The following PRKG1 variants were observed in gnomAD, a reference collection of about 807,000 sequenced individuals.
PRKG1 encodes cGMP-dependent protein kinase 1.
A neutral mutation model predicts 88.1 loss-of-function variants in PRKG1; 35 were observed. The ratio of observed to expected loss-of-function variants is 0.40; its 90% CI spans 0.30 to 0.53. The LOEUF (loss-of-function observed/expected upper bound fraction) is 0.53, where lower values mean the gene tolerates loss of function less well. Ranked by LOEUF, PRKG1 falls within the 20% of genes least tolerant of loss-of-function variation. PRKG1 has a pLI of 0.59. For synonymous variants in PRKG1, 303 were observed against 292.5 expected (o/e 1.04, Z -0.37); for missense variants, 540 against 839.8 (o/e 0.64, Z 4.41).
At chr10:51,896,142 T>A (rs1841839515) in intron 4 of PRKG1, among the ~76,000 whole-genome samples, 1 of 152,150 alleles carries the variant, frequency 6.6e-6, no homozygotes, top group Admixed American at 6.5e-5. Context: ...TATGATTTGA[T>A]TTTAAAAATG....
chr10:52,064,012 C>T (rs999092201), intron 7 of PRKG1, among the ~76,000 whole-genome samples: 1 of 152,308 alleles, frequency 6.6e-6, no homozygotes, highest in Non-Finnish European at 1.5e-5. Context: ...ACTGCAAGTT[C>T]CCACTCTTGT....
intron 13 of PRKG1, 28 bp from the exon 14 acceptor site, chr10:52,282,125 A>T (rs1842015535): frequency 6.4e-7 from 1 of 1,552,860 alleles, no homozygotes; most frequent in East Asian, 2.3e-5. Context: ...TAAGGAGCTT[A>T]AGTATCTTGT....
chr10:51,843,273 CATTT>C (rs1308919735), intron 4 of PRKG1, among the ~76,000 whole-genome samples: 1 of 151,752 alleles, frequency 6.6e-6, no homozygotes, highest in Non-Finnish European at 1.5e-5. Context: ...ATATTAGAAA[CATTT>C]ATTTGATGTG....
At chr10:51,499,387 A>G (rs774608584) in intron 3 of PRKG1, among the ~76,000 whole-genome samples, 9 of 152,220 alleles carry the variant, frequency 5.9e-5, no homozygotes, top group Non-Finnish European at 8.8e-5. Context: ...AAATAAGCGT[A>G]AGAAAGATGT....
intron 10 of PRKG1, among the ~76,000 whole-genome samples, chr10:52,256,992 T>C (rs1392827392): frequency 1.4e-5 from 2 of 139,208 alleles, no homozygotes; most frequent in African/African-American, 5.0e-5. Context: ...TGGGAAATCA[T>C]TTTCAGTGCA....
intron 9 of PRKG1, among the ~76,000 whole-genome samples, chr10:52,211,789 G>A (rs1282006715): frequency 1.3e-5 from 2 of 151,292 alleles, no homozygotes; most frequent in Admixed American, 1.3e-4. Context: ...TGGAAGATAT[G>A]AATGCACTTA....
intron 3 of PRKG1, among the ~76,000 whole-genome samples, chr10:51,649,458 T>C (rs904340033): frequency 6.6e-6 from 1 of 152,158 alleles, no homozygotes; most frequent in African/African-American, 2.4e-5. Flanking sequence ...AACCCTTTAG[T>C]TGCTAAAGAA....
chr10:52,154,572 G>A (rs1182766541), intron 8 of PRKG1, among the ~76,000 whole-genome samples: 1 of 152,130 alleles, frequency 6.6e-6, no homozygotes, highest in Non-Finnish European at 1.5e-5. Flanking sequence ...TATCAAAATT[G>A]TGTGTAGGAA....
chr10:51,884,021 T>A (rs1157702485), intron 4 of PRKG1, among the ~76,000 whole-genome samples: 25 of 80,232 alleles, frequency 3.1e-4, no homozygotes, highest in African/African-American at 1.5e-3. Context: ...AGTCTTTTAT[T>A]TTTCAAAAAA....
At chr10:51,979,409 TG>T (rs1341794003) in intron 5 of PRKG1, among the ~76,000 whole-genome samples, 2 of 120,614 alleles carry the variant, frequency 1.7e-5, no homozygotes, top group African/African-American at 6.1e-5. Flanking sequence ...GATATTGGTC[TG>T]TTTTTTTTTT....
At position 52,298,301 on chromosome 10, in the gene PRKG1, G is replaced by T. The variant is rs1474929439; in HGVS notation, c.*4401G>T. Reference sequence around the variant, plus strand: ...TTTCCTGCAGCTGTAATTGCTGAGTGCCTGTTGTATACTTTATAGAGTTGA... The same window carrying T: ...TTTCCTGCAGCTGTAATTGCTGAGTTCCTGTTGTATACTTTATAGAGTTGA... On this transcript the variant is annotated 3_prime_UTR_variant, in exon 18 of 18. Coordinates refer to ENST00000373980, the MANE Select transcript of PRKG1 (RefSeq NM_006258.4). 6.6e-6 allele frequency: 1 copy of T among 151,266 alleles called. No homozygotes were observed. Among genetic ancestry groups the T allele is most frequent in the East Asian group, 1.9e-4 (1 of 5,148 alleles). The allele number at this position is 151,266 out of a possible 1,614,324, so 9.4% of individuals were successfully genotyped here. A position where few individuals can be genotyped will look rare whatever the true frequency, so the allele number is the denominator to read the frequency against.
intron 3 of PRKG1, among the ~76,000 whole-genome samples, chr10:51,558,049 T>G (rs1837357437): frequency 6.6e-6 from 1 of 152,252 alleles, no homozygotes. Context: ...TATGTTTTGA[T>G]GTAGGCCTAT....
chr10:51,904,624 T>C (rs1347350738), intron 4 of PRKG1, among the ~76,000 whole-genome samples: 1 of 152,148 alleles, frequency 6.6e-6, no homozygotes, highest in Non-Finnish European at 1.5e-5. Context: ...TGAAGGCACT[T>C]ATTTTTCCTG....
intron 3 of PRKG1, among the ~76,000 whole-genome samples, chr10:51,756,218 C>T (rs551430934): frequency 6.6e-6 from 1 of 152,250 alleles, no homozygotes; most frequent in African/African-American, 2.4e-5. Context: ...AGCAGTGGCT[C>T]AGACCTGTAA....
chr10:51,518,867 C>G (rs1409662568), intron 3 of PRKG1, among the ~76,000 whole-genome samples: 1 of 152,130 alleles, frequency 6.6e-6, no homozygotes, highest in African/African-American at 2.4e-5. Context: ...ATAATCTACT[C>G]TTTGAAATTT....
At chr10:51,185,845 A>G (rs1837471314) in intron 2 of PRKG1, among the ~76,000 whole-genome samples, 1 of 151,522 alleles carries the variant, frequency 6.6e-6, no homozygotes, top group Non-Finnish European at 1.5e-5. Context: ...ATTACAAACT[A>G]CTCTGCAGTG....
chr10:51,104,211 T>C (rs903792562), intron 1 of PRKG1, among the ~76,000 whole-genome samples: 2 of 152,088 alleles, frequency 1.3e-5, no homozygotes, highest in African/African-American at 2.4e-5. Context: ...TAGTCAGATA[T>C]AGGAGACAGA....
intron 5 of PRKG1, among the ~76,000 whole-genome samples, chr10:51,986,457 A>G (rs1200076129): frequency 2.0e-5 from 3 of 152,348 alleles, no homozygotes; most frequent in East Asian, 1.9e-4. Flanking sequence ...AAAAAGCACT[A>G]TGATTTTTGA....
At chr10:51,521,960 C>G (rs528619190) in intron 3 of PRKG1, among the ~76,000 whole-genome samples, 1 of 152,126 alleles carries the variant, frequency 6.6e-6, no homozygotes, top group Non-Finnish European at 1.5e-5. Context: ...TAATATACTT[C>G]TAATACAGCA....
Sources: gnomAD v4.1 joint callset for allele counts (sites outside exome capture counted in the v4.1 genomes callset) on GRCh38, gnomAD v4.1.1 for gene constraint, MANE v1.5 for transcripts, NCBI Gene and HGNC (gene_info 2026-07-23, HGNC 2026-07-21) for gene names.